FCRL1: variants seen among roughly 807,000 people sequenced by gnomAD.
FCRL1 encodes the protein Fc receptor like 1.
Under a neutral mutation model 49.2 loss-of-function variants are expected in FCRL1, and 34 were observed. The observed-to-expected ratio is 0.69, with a 90% confidence interval of 0.53 to 0.92. The LOEUF is 0.92. Ranked by LOEUF, FCRL1 falls within the 40% of genes least tolerant of loss-of-function variation. The pLI is 0.00. For missense variants in FCRL1, 524 were observed against 524.1 expected (o/e 1.00, Z 0.00); for synonymous variants, 218 against 201.6 (o/e 1.08, Z -0.69).
At chr1:157,801,618 G>A in intron 5 of FCRL1, 41 bp from the exon 6 acceptor site, 1 of 1,407,550 alleles carries the variant, frequency 7.1e-7, no homozygotes, top group East Asian at 2.3e-5. Flanking sequence ...CAGAGGAAGG[G>A]CTTGGGGCTT....
In FCRL1 at chr1:157,801,510, A is replaced by C. The variant is rs1652462739; in HGVS notation, c.954T>G (p.Gly318=). 5.0e-6 allele frequency: 8 copies of C among 1,613,938 alleles called. No individual in the cohort carries two copies. The Admixed American group carries it at 1.3e-4, about 27-fold the overall frequency. ...AAAATAATAAGGCCACGGTGGCTGG[A>C]CCAAGGGTGCTGAGCAGCCCCTCAA... ...GVIEGLLSTL[G]PATVALLFCY... Residue 318 remains glycine (G), a synonymous_variant, in exon 6 of 11, where the codon GGT becomes GGG. Transcript: ENST00000368176.
chr1:157,801,380 A>T, intron 6 of FCRL1, 81 bp downstream of exon 6: 2 of 891,508 alleles, frequency 2.2e-6, no homozygotes, highest in Non-Finnish European at 3.7e-6. Context: ...CATCTTTTGC[A>T]GTATACATGT....
At chr1:157,804,923 G>A (rs959059747) in intron 2 of FCRL1, among the ~76,000 whole-genome samples, 4 of 150,564 alleles carry the variant, frequency 2.7e-5, no homozygotes, top group East Asian at 1.9e-4. Context: ...TCAGTGATGC[G>A]ATCTCAGCTC....
intron 1 of FCRL1, among the ~76,000 whole-genome samples, chr1:157,812,648 T>C: frequency 6.6e-6 from 1 of 152,074 alleles, no homozygotes; most frequent in East Asian, 1.9e-4. Flanking sequence ...AGAGTCACAT[T>C]CTTTGTCTTG....
chr1:157,805,232 C>G (rs1442996372), intron 2 of FCRL1, among the ~76,000 whole-genome samples: 1 of 152,088 alleles, frequency 6.6e-6, no homozygotes, highest in African/African-American at 2.4e-5. Flanking sequence ...TTGCAGCAGC[C>G]CATAAAAATG....
At chr1:157,804,218 G>A in intron 2 of FCRL1, 107 bp from the exon 3 acceptor site, 2 of 1,397,934 alleles carry the variant, frequency 1.4e-6, no homozygotes, top group Non-Finnish European at 1.9e-6. Flanking sequence ...ACAGCCAGTT[G>A]GACACACAGG....
At chr1:157,804,247 C>T (rs1164454514) in intron 2 of FCRL1, 136 bp from the exon 3 acceptor site, 2 of 407,398 alleles carry the variant, frequency 4.9e-6, no homozygotes, top group Non-Finnish European at 6.8e-6. Context: ...CATGTCTCCA[C>T]CCCCCCCCCA....
chr1:157,806,903 G>A lies in FCRL1; in HGVS notation c.52+199C>T, dbSNP rs1571380870. 1.1e-5 allele frequency: 6 copies of A among 559,006 alleles called. No individual in the cohort carries two copies. In the Admixed American group the frequency reaches 2.0e-4, roughly 19 times the overall value. The allele number at this position is 559,006 out of a possible 1,614,324, so 34.6% of individuals were successfully genotyped here. A position where few individuals can be genotyped will look rare whatever the true frequency, so the allele number is the denominator to read the frequency against. On this transcript the variant is annotated intron_variant, in intron 2 of 10. Transcript: ENST00000368176. ...TGTTCACCCCACTGAGCAGACACGT[G>A]TCAGGTGCAGAGACTGATGTGAAGA...
intron 1 of FCRL1, among the ~76,000 whole-genome samples, chr1:157,809,857 A>G (rs950955271): frequency 1.3e-5 from 2 of 152,180 alleles, no homozygotes; most frequent in Admixed American, 1.3e-4. Flanking sequence ...CCAGGAATTC[A>G]AGGTTGCAAT....
At position 157,802,086 on chromosome 1, in the gene FCRL1, G is replaced by T. The variant is rs1406625092; in HGVS notation, c.715C>A (p.Leu239Met). Residue 239 changes from leucine to methionine, a missense_variant, in exon 5 of 11, where the codon CTG becomes ATG. By Grantham distance (15) the Leu-to-Met change is conservative. Transcript: ENST00000368176. ...CEALRGSPPILYWFYHEDITL... is the reference protein window; with the variant it reads ...CEALRGSPPIMYWFYHEDITL... ...ATATCCTCGTGATAAAACCAGTACA[G>T]GATCGGAGGAGAGCCTCTCAGGGCC... The T allele has an allele frequency of 1.4e-5, 22 of 1,614,082 alleles. No homozygotes were observed. The highest frequency in any genetic ancestry group is 1.9e-5 in the Non-Finnish European group (22 of 1,180,040).
rs995341705 is a variant in FCRL1 at position 157,795,241 on chromosome 1, G to C, written c.*858C>G. The C allele has an allele frequency of 2.0e-5, 3 of 152,142 alleles. No individual in the cohort carries two copies. Among genetic ancestry groups the C allele is most frequent in the African/African-American group, 7.2e-5 (3 of 41,426 alleles). The allele number at this position is 152,142 out of a possible 1,614,324, so 9.4% of individuals were successfully genotyped here. A position where few individuals can be genotyped will look rare whatever the true frequency, so the allele number is the denominator to read the frequency against. ...TTGGTGGCATGTGCCTGTAGTCCCA[G>C]CTACTCAGCAGGCTGAGGTGAGAGG... is the stretch of plus-strand genomic sequence containing the variant. On this transcript the variant is annotated 3_prime_UTR_variant, in exon 11 of 11. Transcript: ENST00000368176.
intron 1 of FCRL1, among the ~76,000 whole-genome samples, chr1:157,811,826 G>A (rs963266109): frequency 2.6e-5 from 4 of 152,172 alleles, no homozygotes; most frequent in Admixed American, 2.0e-4. Context: ...GGAACAAGCT[G>A]TCTAGGAATC....
At position 157,804,033 on chromosome 1, in the gene FCRL1, T is replaced by C. The variant is rs201771902; in HGVS notation, c.131A>G (p.Gln44Arg). Residue 44 changes from glutamine to arginine, a missense_variant, in exon 3 of 11, where the codon CAG becomes CGG. Coordinates refer to ENST00000368176, the MANE Select transcript of FCRL1 (RefSeq NM_052938.5). ...GAACTGGAACTGGGCATCTGAACTC[T>C]GTAGAAAGGGCATCTTACACGTCAG... ...VTLTCKMPFLQSSDAQFQFCF... is the reference protein window; with the variant it reads ...VTLTCKMPFLRSSDAQFQFCF... 1.2e-6 allele frequency: 2 copies of C among 1,614,212 alleles called. No individual in the cohort carries two copies. The highest frequency in any genetic ancestry group is 2.2e-5 in the East Asian group (1 of 44,886).
chr1:157,811,612 A>T (rs1654328493), intron 1 of FCRL1, among the ~76,000 whole-genome samples: 1 of 152,192 alleles, frequency 6.6e-6, no homozygotes, highest in Admixed American at 6.5e-5. Context: ...GTAAGAGCCC[A>T]TACTGTGGCT....
intron 1 of FCRL1, among the ~76,000 whole-genome samples, chr1:157,816,784 A>AATAG (rs3033729): frequency 0.39 from 57,368 of 147,250 alleles, 11,128 homozygotes; most frequent in Middle Eastern, 0.45. Flanking sequence ...GTTGCTGGAT[A>AATAG]ATAGATAGAT....
rs763279942 is a variant in FCRL1, at chr1:157,802,153, C to T, written c.648G>A (p.Arg216=). 9 of 1,614,052 alleles carry T rather than the reference C, an allele frequency of 5.6e-6. No homozygotes were observed. In the East Asian group the frequency reaches 2.0e-4, roughly 36 times the overall value. ...GCACATCCTCCACTGCAGCCTGGGC[C>T]CTGGGAGCCCTGAGCATGAGGATTG... ...SRPILMLRAP[R]AQAAVEDVLE... The change falls in exon 5 of 11, where the codon AGG becomes AGA. Residue 216 remains arginine, a synonymous_variant. Transcript: ENST00000368176.
At position 157,807,120 on chromosome 1, in the gene FCRL1, G is replaced by A. The variant is rs780128840; in HGVS notation, c.34C>T (p.Pro12Ser). The A allele has an allele frequency of 6.2e-7, 1 of 1,613,738 alleles. No homozygotes were observed. Among genetic ancestry groups the A allele is most frequent in the Non-Finnish European group, 8.5e-7 (1 of 1,179,860 alleles). The change falls in exon 2 of 11, where the codon CCA becomes TCA. Residue 12 changes from proline (P) to serine (S), a missense_variant and splice_region_variant. Coordinates refer to ENST00000368176, the MANE Select transcript of FCRL1 (RefSeq NM_052938.5). ...AACTCACCGGCAGGTTCACAGAGTG[G>A]AGCTGGGAGAGAATTCAGCAGAGAT... ...LPRLLLLICA[P>S]LCEPAELFLI...
chr1:157,798,590 T>C (rs1651924384), intron 7 of FCRL1, among the ~76,000 whole-genome samples: 1 of 151,916 alleles, frequency 6.6e-6, no homozygotes. Flanking sequence ...AACAAGCAAC[T>C]TGAGGAAGGG....
At chr1:157,816,739 A>G (rs964316989) in intron 1 of FCRL1, among the ~76,000 whole-genome samples, 1 of 151,696 alleles carries the variant, frequency 6.6e-6, no homozygotes, top group Non-Finnish European at 1.5e-5. Context: ...ATAAAGCTCT[A>G]TGTCACTGAT....
Sources: gnomAD v4.1 joint callset for allele counts (sites outside exome capture counted in the v4.1 genomes callset) on GRCh38, gnomAD v4.1.1 for gene constraint, MANE v1.5 for transcripts, NCBI Gene and HGNC (gene_info 2026-07-23, HGNC 2026-07-21) for gene names.